PALLD: variants seen among roughly 807,000 people sequenced by gnomAD.
PALLD encodes palladin, cytoskeletal associated protein.
Under a neutral mutation model 123.5 loss-of-function variants are expected in PALLD, and 61 were observed. That is an observed-to-expected ratio of 0.49 (90% CI 0.40 to 0.61). The LOEUF is 0.61. PALLD is among the 20% of genes least tolerant of loss of function. The pLI is 0.00. For missense variants in PALLD, 1,273 were observed against 1,377.0 expected (o/e 0.92, Z 1.20); for synonymous variants, 465 against 496.4 (o/e 0.94, Z 0.84).
intron 2 of PALLD, among the ~76,000 whole-genome samples, chr4:168,556,654 T>C (rs984199542): frequency 2.0e-5 from 3 of 152,194 alleles, no homozygotes; most frequent in East Asian, 1.9e-4. Context: ...TTTTAAGTCA[T>C]TTAAGTCATG....
In PALLD at chr4:168,623,623, A is replaced by G. The variant is rs182025029; in HGVS notation, c.909-44567A>G. Among the ~76,000 whole-genome samples the G allele has an allele frequency of 1.6e-3, 242 of 152,346 alleles. 2 individuals are homozygous for G. The highest frequency in any genetic ancestry group is 1.3e-3 in the Non-Finnish European group (89 of 68,034). On this transcript the variant is annotated intron_variant, in intron 2 of 21. Transcript: ENST00000505667. ...CCCTGTACAAGAGAGACACACATAG[A>G]TCACAGTGGTTCAGAAAGCCTAAGT...
At position 168,921,634 on chromosome 4, in the gene PALLD, A is replaced by G. The variant is rs754402562; in HGVS notation, c.2951A>G (p.His984Arg). The change falls in exon 18 of 22, where the codon CAC (histidine) becomes CGC (arginine). Residue 984 changes from histidine to arginine, a missense_variant. Transcript: ENST00000505667. ...ATGCTGGTGCGTGAGAACGGGGTGC[A>G]CTCTCTGATCATAGAGCCAGTCACG... ...HKMLVRENGV[H>R]SLIIEPVTSR... The G allele has an allele frequency of 3.1e-6, 5 of 1,610,922 alleles. No individual in the cohort carries two copies. In the South Asian group the frequency reaches 4.4e-5, roughly 14 times the overall value.
At chr4:168,530,573 T>A (rs984079767) in intron 2 of PALLD, 1 of 152,260 alleles carries the variant, frequency 6.6e-6, no homozygotes, top group East Asian at 1.9e-4. Context: ...ATTGGACTCC[T>A]GTTGCTGCAC....
At chr4:168,589,478 G>A (rs898993531) in intron 2 of PALLD, among the ~76,000 whole-genome samples, 2 of 152,058 alleles carry the variant, frequency 1.3e-5, no homozygotes, top group African/African-American at 4.8e-5. Context: ...ATACTTTAAA[G>A]TGTTCTATAA....
intron 10 of PALLD, among the ~76,000 whole-genome samples, chr4:168,761,657 T>TG (rs1561493904): frequency 4.8e-5 from 2 of 41,326 alleles, no homozygotes; most frequent in Admixed American, 1.9e-4. Flanking sequence ...TTTTTTTTTT[T>TG]TTTTTTTTTT....
intron 2 of PALLD, among the ~76,000 whole-genome samples, chr4:168,632,128 T>A (rs916066677): frequency 3.3e-5 from 5 of 149,454 alleles, no homozygotes; most frequent in African/African-American, 1.2e-4. Flanking sequence ...GTTGTTGGAG[T>A]TAGGGTGGGG....
intron 2 of PALLD, among the ~76,000 whole-genome samples, chr4:168,538,925 G>A (rs558947069): frequency 6.6e-6 from 1 of 152,268 alleles, no homozygotes; most frequent in Non-Finnish European, 1.5e-5. Flanking sequence ...TGGATGCTAC[G>A]ACTTCGTGTT....
intron 11 of PALLD, 67 bp downstream of exon 11, chr4:168,891,124 A>C: frequency 1.4e-6 from 2 of 1,467,274 alleles, no homozygotes; most frequent in Non-Finnish European, 9.6e-7. Context: ...CCTTTCTCTA[A>C]GACTTAGGTT....
chr4:168,702,582 C>G (rs931979761), intron 8 of PALLD, among the ~76,000 whole-genome samples: 1 of 151,958 alleles, frequency 6.6e-6, no homozygotes, highest in African/African-American at 2.4e-5. Context: ...ACATGCGTGT[C>G]GGAGATGGGA....
At chr4:168,861,255 G>A (rs573594167) in intron 10 of PALLD, among the ~76,000 whole-genome samples, 3 of 145,048 alleles carry the variant, frequency 2.1e-5, no homozygotes, top group South Asian at 2.2e-4. Flanking sequence ...CTGAATAATC[G>A]AATAAATCTA....
At chr4:168,882,089 G>A (rs1028199739) in intron 10 of PALLD, among the ~76,000 whole-genome samples, 1 of 152,212 alleles carries the variant, frequency 6.6e-6, no homozygotes, top group Non-Finnish European at 1.5e-5. Flanking sequence ...CAGGGCTTTG[G>A]TTTGAAATGT....
intron 10 of PALLD, among the ~76,000 whole-genome samples, chr4:168,789,449 G>A (rs1168008261): frequency 2.0e-5 from 3 of 152,230 alleles, no homozygotes; most frequent in Non-Finnish European, 4.4e-5. Flanking sequence ...GCTCACGCCT[G>A]TAATCCCAGC....
intron 14 of PALLD, among the ~76,000 whole-genome samples, chr4:168,899,074 C>T (rs1755878543): frequency 1.3e-5 from 2 of 152,138 alleles, no homozygotes; most frequent in South Asian, 4.1e-4. Flanking sequence ...TGCATATGAA[C>T]CCAGTGCTCT....
rs1175955888 is a variant in PALLD, at chr4:168,759,179, CAAAAAAAAAA to C, written c.1964+47271_1964+47280del. Reference sequence around the variant, plus strand: ...GGGTGACAAGAGTGAGACTCCATCTCAAAAAAAAAAAAAAAAAAAAAAAATATATATATAT... The same window carrying C: ...GGGTGACAAGAGTGAGACTCCATCTCAAAAAAAAAAAAAATATATATATAT... On this transcript the variant is annotated intron_variant, in intron 10 of 21. Coordinates refer to ENST00000505667, the MANE Select transcript of PALLD (RefSeq NM_001166108.2). Among the ~76,000 whole-genome samples the C allele has an allele frequency of 9.9e-4, 9 of 9,048 alleles. 1 individual carries two copies. Among genetic ancestry groups the C allele is most frequent in the Non-Finnish European group, 1.2e-3 (8 of 6,688 alleles). 5.9% of individuals were successfully genotyped at this position (9,048 alleles called of 152,430 possible).
chr4:168,814,264 G>A (rs1741599419), intron 10 of PALLD, among the ~76,000 whole-genome samples: 1 of 152,136 alleles, frequency 6.6e-6, no homozygotes, highest in Non-Finnish European at 1.5e-5. Context: ...CTGAAAGTTT[G>A]GGAGTTAAGA....
chr4:168,529,871 C>A (rs750968002), intron 2 of PALLD, among the ~76,000 whole-genome samples: 10 of 152,170 alleles, frequency 6.6e-5, no homozygotes, highest in Non-Finnish European at 1.3e-4. Context: ...ATACCTTCTT[C>A]ACCTAAAATA....
At chr4:168,597,873 T>A (rs1772150595) in intron 2 of PALLD, among the ~76,000 whole-genome samples, 1 of 152,168 alleles carries the variant, frequency 6.6e-6, no homozygotes, top group South Asian at 2.1e-4. Context: ...TTCTTTGTAG[T>A]TGATGTGCTT....
chr4:168,758,518 C>T (rs1161750314), intron 10 of PALLD, among the ~76,000 whole-genome samples: 2 of 152,092 alleles, frequency 1.3e-5, no homozygotes, highest in African/African-American at 2.4e-5. Context: ...GCATCTCAGG[C>T]GTGTAGGTTC....
At chr4:168,640,768 G>A (rs972187769) in intron 2 of PALLD, among the ~76,000 whole-genome samples, 1 of 152,200 alleles carries the variant, frequency 6.6e-6, no homozygotes, top group Non-Finnish European at 1.5e-5. Flanking sequence ...AGAAATTAAG[G>A]CTCAGTGAGG....
Sources: allele counts gnomAD v4.1 joint callset (sites outside exome capture counted in the v4.1 genomes callset), GRCh38; gene constraint gnomAD v4.1.1; transcripts MANE v1.5; gene names NCBI Gene and HGNC (gene_info 2026-07-23, HGNC 2026-07-21).